RTN4IP1: variants seen among roughly 807,000 people sequenced by gnomAD.
RTN4IP1 encodes the protein NAD(P)H oxidoreductase RTN4IP1, mitochondrial.
Under a neutral mutation model 46.6 loss-of-function variants are expected in RTN4IP1, and 32 were observed. The ratio of observed to expected loss-of-function variants is 0.69; its 90% CI spans 0.52 to 0.92. The LOEUF (loss-of-function observed/expected upper bound fraction) is 0.92, where lower values mean the gene tolerates loss of function less well. Among genes scored for constraint, RTN4IP1 ranks in the 40% least tolerant of loss-of-function variants. The probability of loss-of-function intolerance (pLI) is 0.00; values close to 1 mark genes in which losing one functional copy is unlikely to be tolerated. For missense variants in RTN4IP1, 424 were observed against 485.8 expected, an observed-to-expected ratio of 0.87 and a Z score of 1.20; for synonymous variants, 167 against 161.8, an observed-to-expected ratio of 1.03 and a Z score of -0.24.
At chr6:106,600,558 G>A (rs556541106) in intron 5 of RTN4IP1, among the ~76,000 whole-genome samples, 3 of 151,904 alleles carry the variant, frequency 2.0e-5, no homozygotes, top group South Asian at 4.2e-4. Flanking sequence ...CACTCATTAC[G>A]TAGTCATTCC....
At chr6:106,613,528 T>G (rs1776280898) in intron 4 of RTN4IP1, among the ~76,000 whole-genome samples, 1 of 152,238 alleles carries the variant, frequency 6.6e-6, no homozygotes. Context: ...TAATCAGGAT[T>G]GTTCATTAAA....
At chr6:106,594,203 C>G (rs562702485) in intron 5 of RTN4IP1, among the ~76,000 whole-genome samples, 2 of 152,016 alleles carry the variant, frequency 1.3e-5, no homozygotes, top group African/African-American at 4.8e-5. Flanking sequence ...TAATATAAAA[C>G]ACAACTATAG....
At position 106,620,140 on chromosome 6, in the gene RTN4IP1, G is replaced by C. The variant is rs184381804; in HGVS notation, c.496-814C>G. ...GTCTTGCTCTGTCACCCAGGCTGGA[G>C]TGCAGTGATGCAATCTCAGCTCACT... On this transcript the variant is annotated intron_variant, in intron 3 of 8. Coordinates refer to ENST00000369063, the MANE Select transcript of RTN4IP1 (RefSeq NM_032730.5). Among the ~76,000 whole-genome samples the C allele has an allele frequency of 3.9e-4, 59 of 152,048 alleles. 3 individuals carry two copies. The highest frequency in any genetic ancestry group is 3.5e-3 in the Admixed American group (54 of 15,280).
intron 8 of RTN4IP1, 68 bp from the exon 9 acceptor site, chr6:106,572,171 A>G: frequency 1.6e-6 from 2 of 1,250,872 alleles, no homozygotes; most frequent in Non-Finnish European, 2.3e-6. Context: ...TGACATTGCT[A>G]ATTAGTTTCT....
chr6:106,615,246 G>C (rs1381494160), intron 4 of RTN4IP1, among the ~76,000 whole-genome samples: 1 of 152,092 alleles, frequency 6.6e-6, no homozygotes, highest in Non-Finnish European at 1.5e-5. Flanking sequence ...GAATGCATTT[G>C]AAAGAAGAAG....
intron 8 of RTN4IP1, among the ~76,000 whole-genome samples, chr6:106,574,697 C>CTT (rs1775178029): frequency 2.0e-5 from 3 of 152,212 alleles, no homozygotes; most frequent in African/African-American, 7.2e-5. Context: ...AGCCCTTTGC[C>CTT]TTATTCCTGG....
intron 1 of RTN4IP1, among the ~76,000 whole-genome samples, chr6:106,624,760 G>C (rs1240688786): frequency 6.6e-6 from 1 of 150,738 alleles, no homozygotes; most frequent in African/African-American, 2.4e-5. Context: ...CCAGCCTAGA[G>C]CTCATCTCTA....
At chr6:106,605,893 A>C (rs1181297493) in intron 4 of RTN4IP1, among the ~76,000 whole-genome samples, 1 of 151,868 alleles carries the variant, frequency 6.6e-6, no homozygotes, top group Non-Finnish European at 1.5e-5. Context: ...AACAAAGCCA[A>C]AGCACTCTAC....
chr6:106,622,108 C>T (rs1304707928), intron 2 of RTN4IP1, among the ~76,000 whole-genome samples: 1 of 151,134 alleles, frequency 6.6e-6, no homozygotes, highest in African/African-American at 2.4e-5. Flanking sequence ...TTAGAAAACA[C>T]AAACTCAGGT....
chr6:106,619,660 G>C (rs1225472119), intron 3 of RTN4IP1, among the ~76,000 whole-genome samples: 1 of 136,660 alleles, frequency 7.3e-6, no homozygotes, highest in Non-Finnish European at 1.5e-5. Context: ...CGCCCAGGCT[G>C]GACTGCAGTG....
upstream of RTN4IP1, chr6:106,629,852 C>G: frequency 1.0e-6 from 1 of 973,662 alleles, no homozygotes; most frequent in South Asian, 1.5e-5. Flanking sequence ...CCTTTCGATT[C>G]TTCGGGTGTA....
At position 106,601,045 on chromosome 6, in the gene RTN4IP1, C is replaced by T. The variant is rs143528584; in HGVS notation, c.669+1829G>A. Among the ~76,000 whole-genome samples the T allele has an allele frequency of 1.7e-3, 265 of 152,246 alleles. 2 individuals are homozygous for T. Among genetic ancestry groups the T allele is most frequent in the African/African-American group, 6.2e-3 (256 of 41,514 alleles). The stretch of plus-strand genomic sequence containing the variant: ...ATGTCTGCACCATTTTAACTTCCCA[C>T]CAGCAATGTATGAGTGTTCTAATTT... On this transcript the variant is annotated intron_variant, in intron 5 of 8. Transcript: ENST00000369063.
At position 106,571,967 on chromosome 6, in the gene RTN4IP1, C is replaced by A. The variant is rs757914701; in HGVS notation, c.*29G>T. ...CTCACAGGCACTCACCAAATAAGAA[C>A]GTCAACAATCACTAAACTGCATTTT... On this transcript the variant is annotated 3_prime_UTR_variant, in exon 9 of 9. Coordinates refer to ENST00000369063, the MANE Select transcript of RTN4IP1 (RefSeq NM_032730.5). 1.3e-6 allele frequency: 2 copies of A among 1,556,410 alleles called. No homozygotes were observed. The highest frequency in any genetic ancestry group is 1.8e-6 in the Non-Finnish European group (2 of 1,129,480).
chr6:106,619,221 T>A lies in RTN4IP1; in HGVS notation c.601A>T (p.Lys201Ter), dbSNP rs200457692. Residue 201 changes from lysine to a stop codon, truncating the protein, a stop_gained, in exon 4 of 9, where the codon AAG (lysine) becomes TAG (stop). Coordinates refer to ENST00000369063, the MANE Select transcript of RTN4IP1 (RefSeq NM_032730.5). LOFTEE classifies it high-confidence loss of function. ...AINKVGGLND[K>*]NCTGKRVLIL... ...ACTTACCGTTTTCCTGTGCAATTCT[T>A]GTCATTCAGGCCACCAACTTTGTTT... The A allele has an allele frequency of 1.5e-5, 24 of 1,614,076 alleles. No individual in the cohort carries two copies. The highest frequency in any genetic ancestry group is 2.0e-5 in the Non-Finnish European group (24 of 1,180,028).
chr6:106,609,392 G>A (rs72945053), intron 4 of RTN4IP1, among the ~76,000 whole-genome samples: 11,179 of 152,012 alleles, frequency 0.074, 589 homozygotes, highest in East Asian at 0.2. Flanking sequence ...ACATCTCTAC[G>A]AAAAATAAAA....
In RTN4IP1 at chr6:106,583,726, C is replaced by G. The variant is rs150241940; in HGVS notation, c.991-306G>C. 3 of 305,752 alleles carry G rather than the reference C, an allele frequency of 9.8e-6. No individual in the cohort carries two copies. The East Asian group carries it at 2.4e-4, about 25-fold the overall frequency. The allele number at this position is 305,752 out of a possible 1,614,324, so 18.9% of individuals were successfully genotyped here. A position where few individuals can be genotyped will look rare whatever the true frequency, so the allele number is the denominator to read the frequency against. ...AAATGATCATCTAAATGGTTTTCCA[C>G]AGTGGGTTTCCTCCCCATGAGGAAT... On this transcript the variant is annotated intron_variant, in intron 7 of 8. Coordinates refer to ENST00000369063, the MANE Select transcript of RTN4IP1 (RefSeq NM_032730.5).
At chr6:106,572,241 G>T in intron 8 of RTN4IP1, 138 bp from the exon 9 acceptor site, 1 of 677,440 alleles carries the variant, frequency 1.5e-6, no homozygotes. Context: ...CCCAGGTCAG[G>T]CTCTCACAAG....
intron 7 of RTN4IP1, among the ~76,000 whole-genome samples, chr6:106,586,521 C>A (rs556328432): frequency 2.1e-4 from 32 of 152,054 alleles, no homozygotes; most frequent in African/African-American, 7.7e-4. Context: ...CAGGTATACA[C>A]CAACATACCT....
chr6:106,573,325 C>T (rs756280047), intron 8 of RTN4IP1, among the ~76,000 whole-genome samples: 2 of 152,240 alleles, frequency 1.3e-5, no homozygotes, highest in Non-Finnish European at 2.9e-5. Flanking sequence ...CCAACTCATA[C>T]ATTTTACGCT....
Sources: allele counts gnomAD v4.1 joint callset (sites outside exome capture counted in the v4.1 genomes callset), GRCh38; gene constraint gnomAD v4.1.1; transcripts MANE v1.5; gene names NCBI Gene and HGNC (gene_info 2026-07-23, HGNC 2026-07-21).